The following SCN2A variants were observed in gnomAD, a reference collection of about 807,000 sequenced individuals.
SCN2A encodes sodium channel protein type 2 subunit alpha.
Under a neutral mutation model 188.7 loss-of-function variants are expected in SCN2A, and 20 were observed. The observed-to-expected ratio is 0.11, with a 90% CI of 0.07 to 0.15. SCN2A has a LOEUF of 0.15. Among genes scored for constraint, SCN2A ranks in the 10% least tolerant of loss-of-function variants. The pLI is 1.00. For missense variants in SCN2A, 1,278 were observed against 2,445.0 expected (o/e 0.52, Z 10.07); for synonymous variants, 804 against 833.1 (o/e 0.97, Z 0.60).
In SCN2A at chr2:165,390,706, A is replaced by G. The variant is rs1482325160; in HGVS notation, c.*882A>G. On this transcript the variant is annotated 3_prime_UTR_variant, in exon 27 of 27. Coordinates refer to ENST00000375437, the MANE Select transcript of SCN2A (RefSeq NM_001040142.2). The stretch of plus-strand genomic sequence containing the variant: ...CCATTACATTGTCATTCACAGTCCC[A>G]GCAGCATGACTATCACATTTTTGAT... 1 of 152,456 alleles carries G rather than the reference A, an allele frequency of 6.6e-6. No individual in the cohort carries two copies. The highest frequency in any genetic ancestry group is 1.5e-5 in the Non-Finnish European group (1 of 68,030). 9.4% of individuals were successfully genotyped at this position (152,456 alleles called of 1,614,324 possible). A position where few individuals can be genotyped will look rare whatever the true frequency, so the allele number is the denominator to read the frequency against.
chr2:165,307,996 C>T (rs1697228768), intron 4 of SCN2A, 59 bp downstream of exon 4: 2 of 1,089,854 alleles, frequency 1.8e-6, no homozygotes, highest in Non-Finnish European at 2.8e-6. Context: ...GTGCTTTTAA[C>T]ACCTTGAGAC....
rs1051774796 is a variant in SCN2A at position 165,391,705 on chromosome 2, A to G, written c.*1881A>G. On this transcript the variant is annotated 3_prime_UTR_variant, in exon 27 of 27. Transcript: ENST00000375437. ...ATACTCTTGGCATTGCTTGAATCCAATGTTTCCACCTAGTCTTTTTATTCA... is the reference window on the plus strand; with the variant it reads ...ATACTCTTGGCATTGCTTGAATCCAGTGTTTCCACCTAGTCTTTTTATTCA... The G allele has an allele frequency of 2.0e-5, 3 of 152,514 alleles. No homozygotes were observed. The highest frequency in any genetic ancestry group is 7.2e-5 in the African/African-American group (3 of 41,446). 9.4% of individuals were successfully genotyped at this position (152,514 alleles called of 1,614,324 possible).
chr2:165,346,742 T>C (rs995897540), intron 16 of SCN2A, among the ~76,000 whole-genome samples: 2 of 152,096 alleles, frequency 1.3e-5, no homozygotes, highest in African/African-American at 4.8e-5. Flanking sequence ...CTTAAACAAA[T>C]TTACAAGAAA....
intron 4 of SCN2A, 110 bp from the exon 5 acceptor site, chr2:165,308,556 G>T (rs933514154): frequency 5.2e-6 from 6 of 1,161,670 alleles, no homozygotes; most frequent in African/African-American, 1.5e-5. Context: ...ATCGTAGGGG[G>T]ACCAACCTGG....
At chr2:165,253,523 A>G (rs2106072571) in intron 1 of SCN2A, among the ~76,000 whole-genome samples, 1 of 152,240 alleles carries the variant, frequency 6.6e-6, no homozygotes, top group East Asian at 1.9e-4. Context: ...GTCCATAAAT[A>G]AGTTTTATTG....
chr2:165,389,870 C>A lies in SCN2A; in HGVS notation c.*46C>A. The A allele has an allele frequency of 6.5e-7, 1 of 1,548,980 alleles. No individual in the cohort carries two copies. The highest frequency in any genetic ancestry group is 1.2e-5 in the South Asian group (1 of 84,128). ...ATTTTGTGATCAATTGTTTACAGCC[C>A]GTGATGGTGATGTGTTTGTGTCAAC... On this transcript the variant is annotated 3_prime_UTR_variant, in exon 27 of 27. Transcript: ENST00000375437. The surrounding 1 kb of genome is among the most constrained non-coding windows in gnomAD (Gnocchi z 4.2).
At chr2:165,287,737 C>T (rs1349519192) in intron 1 of SCN2A, among the ~76,000 whole-genome samples, 1 of 152,116 alleles carries the variant, frequency 6.6e-6, no homozygotes, top group African/African-American at 2.4e-5. Flanking sequence ...TCTTTGGGTT[C>T]TTAAAGTTTG....
At chr2:165,247,002 C>T (rs1026758500) in intron 1 of SCN2A, among the ~76,000 whole-genome samples, 1 of 152,108 alleles carries the variant, frequency 6.6e-6, no homozygotes, top group Non-Finnish European at 1.5e-5. Flanking sequence ...AGATTTTTCC[C>T]CACAGGTTTC....
chr2:165,253,594 A>G (rs1430724135), intron 1 of SCN2A, among the ~76,000 whole-genome samples: 1 of 152,124 alleles, frequency 6.6e-6, no homozygotes, highest in Non-Finnish European at 1.5e-5. Context: ...CTACAAGGTG[A>G]GAACTGTATA....
chr2:165,285,418 C>T (rs1695785400), intron 1 of SCN2A: 1 of 165,822 alleles, frequency 6.0e-6, no homozygotes. Context: ...TCCCTGGCTC[C>T]ATTGCCTTGA....
In SCN2A at chr2:165,281,637, T is replaced by C. The variant is rs183316711; in HGVS notation, c.-51-14136T>C. Among the ~76,000 whole-genome samples, 16 of 152,260 alleles carry C rather than the reference T, an allele frequency of 1.1e-4. No individual in the cohort carries two copies. The East Asian group carries it at 1.5e-3, about 15-fold the overall frequency. ...TTCCTCTGAGTAAATAGAGAGTCAC[T>C]GTAGAGTTCTGAGCAGAATAGTGAC... On this transcript the variant is annotated intron_variant, in intron 1 of 26. Coordinates refer to ENST00000375437, the MANE Select transcript of SCN2A (RefSeq NM_001040142.2).
intron 1 of SCN2A, among the ~76,000 whole-genome samples, chr2:165,255,400 G>T (rs1298529054): frequency 6.6e-6 from 1 of 151,798 alleles, no homozygotes; most frequent in East Asian, 1.9e-4. Flanking sequence ...CTATTTTCCA[G>T]TTTAAAAAAA....
At chr2:165,241,433 T>G (rs1693618114) in intron 1 of SCN2A, among the ~76,000 whole-genome samples, 1 of 152,210 alleles carries the variant, frequency 6.6e-6, no homozygotes, top group Non-Finnish European at 1.5e-5. Context: ...TAGGTTAATC[T>G]ATTGACAACT....
chr2:165,368,843 G>A (rs371956950), intron 19 of SCN2A, among the ~76,000 whole-genome samples: 5 of 152,216 alleles, frequency 3.3e-5, no homozygotes, highest in African/African-American at 9.6e-5. Flanking sequence ...CCTCTAAGGC[G>A]AATTCTGATT....
chr2:165,265,469 A>ATCTC lies in SCN2A; in HGVS notation c.-52+25832_-52+25833insCTCT, dbSNP rs754966737. On this transcript the variant is annotated intron_variant, in intron 1 of 26. Coordinates refer to ENST00000375437, the MANE Select transcript of SCN2A (RefSeq NM_001040142.2). ...TCTAGGTTATGTGTTTACTCTGTTG[A>ATCTC]TCTATATATATATATATATATATAT... is the stretch of plus-strand genomic sequence containing the variant. Among the ~76,000 whole-genome samples, 78 of 65,268 alleles carry ATCTC rather than the reference A, an allele frequency of 1.2e-3. 1 individual carries two copies. The highest frequency in any genetic ancestry group is 4.5e-3 in the African/African-American group (70 of 15,730). 42.8% of individuals were successfully genotyped at this position (65,268 alleles called of 152,430 possible).
chr2:165,279,843 C>T (rs144459764), intron 1 of SCN2A, among the ~76,000 whole-genome samples: 50 of 152,268 alleles, frequency 3.3e-4, no homozygotes, highest in Middle Eastern at 3.4e-3. Flanking sequence ...GAGAGGGACC[C>T]AGTGGGAGGT....
At chr2:165,285,614 C>A in intron 1 of SCN2A, 1 of 250,566 alleles carries the variant, frequency 4.0e-6, no homozygotes, top group Non-Finnish European at 8.7e-6. Context: ...AAGACTATAA[C>A]CCTGTGGCTG....
intron 3 of SCN2A, among the ~76,000 whole-genome samples, chr2:165,304,821 G>A (rs937595425): frequency 2.0e-5 from 3 of 152,156 alleles, no homozygotes; most frequent in African/African-American, 7.2e-5. Flanking sequence ...AACTGGAGAA[G>A]TAGACAGGGA....
chr2:165,273,117 A>G (rs565614214), intron 1 of SCN2A: 2 of 152,252 alleles, frequency 1.3e-5, no homozygotes, highest in East Asian at 3.9e-4. Flanking sequence ...TGCTAAATAA[A>G]CATTTTGGCA....
Sources: gnomAD v4.1 joint callset for allele counts (sites outside exome capture counted in the v4.1 genomes callset) on GRCh38, gnomAD v4.1.1 for gene constraint, Gnocchi (gnomAD v3.1) non-coding constraint, MANE v1.5 for transcripts, NCBI Gene and HGNC (gene_info 2026-07-23, HGNC 2026-07-21) for gene names.